The following CDC25C variants were observed in gnomAD, a reference collection of about 807,000 sequenced individuals.
CDC25C encodes cell division cycle 25C.
A neutral mutation model predicts 52.5 loss-of-function variants in CDC25C; 48 were observed. The ratio of observed to expected loss-of-function variants is 0.91; its 90% CI spans 0.72 to 1.16. CDC25C has a LOEUF of 1.16. Among genes scored for constraint, CDC25C ranks in the 50% most tolerant of loss-of-function variants. The probability of loss-of-function intolerance (pLI) is 0.00; values close to 1 mark genes in which losing one functional copy is unlikely to be tolerated. For missense variants in CDC25C, 510 were observed against 566.1 expected, an observed-to-expected ratio of 0.90 and a Z score of 1.01; for synonymous variants, 187 against 206.5, an observed-to-expected ratio of 0.91 and a Z score of 0.81.
At chr5:138,335,785 G>GT (rs1293287688), upstream of CDC25C, among the ~76,000 whole-genome samples, 15 of 147,374 alleles carry the variant, frequency 1.0e-4, no homozygotes, top group South Asian at 2.1e-4. Context: ...TTTTTGTTTT[G>GT]TTTTTTTTGT....
Position 138,319,297 on chromosome 5 carries a change from A to G in CDC25C, c.537T>C (p.Asn179=). Residue 179 remains asparagine (N), a synonymous_variant, in exon 7 of 14, where the codon AAT becomes AAC. Coordinates refer to ENST00000323760, the MANE Select transcript of CDC25C (RefSeq NM_001790.5). ...CTGCCTGGTCTTCTCCTAGGTTTGG[A>G]TTTTTATCCAATTTTGGAACAGTAG... ...PITTVPKLDK[N]PNLGEDQAEE... is the part of the protein sequence containing the mutation. The G allele has an allele frequency of 6.2e-7, 1 of 1,613,568 alleles. No homozygotes were observed. Among genetic ancestry groups the G allele is most frequent in the Non-Finnish European group, 8.5e-7 (1 of 1,179,570 alleles).
At chr5:138,320,254 G>A (rs1326361159) in intron 6 of CDC25C, among the ~76,000 whole-genome samples, 1 of 152,042 alleles carries the variant, frequency 6.6e-6, no homozygotes, top group Non-Finnish European at 1.5e-5. Flanking sequence ...GCAGTGAGCT[G>A]TGATCGTTCC....
At chr5:138,335,922 T>C (rs1051789118), upstream of CDC25C, among the ~76,000 whole-genome samples, 2 of 151,932 alleles carry the variant, frequency 1.3e-5, no homozygotes, top group Non-Finnish European at 2.9e-5. Context: ...AACAGCTTAG[T>C]GGTGAAAAGC....
chr5:138,325,500 A>AAAAC (rs1008260579), intron 6 of CDC25C, among the ~76,000 whole-genome samples: 3 of 152,298 alleles, frequency 2.0e-5, no homozygotes, highest in African/African-American at 4.8e-5. Context: ...CCTACCTGTT[A>AAAAC]AAACAAACAA....
intron 7 of CDC25C, among the ~76,000 whole-genome samples, chr5:138,317,943 C>T (rs1029193236): frequency 6.6e-6 from 1 of 152,170 alleles, no homozygotes; most frequent in South Asian, 2.1e-4. Context: ...TGATGGTGAT[C>T]CACTCAAACT....
At chr5:138,338,265 C>T (rs79586488) in exon 1 of CDC25C, 3 of 1,012,062 alleles carry the variant, frequency 3.0e-6, no homozygotes, top group African/African-American at 3.3e-5. Context: ...ACCGAGCGCT[C>T]AGAGCTGCTC....
At chr5:138,320,089 G>T (rs1248917042) in intron 6 of CDC25C, among the ~76,000 whole-genome samples, 3 of 152,126 alleles carry the variant, frequency 2.0e-5, no homozygotes, top group Non-Finnish European at 4.4e-5. Flanking sequence ...AGCAGATCAC[G>T]AGGTCAGGAG....
intron 7 of CDC25C, among the ~76,000 whole-genome samples, chr5:138,298,754 TAAAATAAAATA>T (rs1296003886): frequency 1.3e-5 from 2 of 148,330 alleles, no homozygotes; most frequent in Non-Finnish European, 3.0e-5. Context: ...ATCTCAAAAA[TAAAATAAAATA>T]AAAATAAAAT....
At chr5:138,319,128 TA>T in intron 7 of CDC25C, 90 bp downstream of exon 7, 1 of 1,199,794 alleles carries the variant, frequency 8.3e-7, no homozygotes, top group Non-Finnish European at 1.2e-6. Context: ...TTTGCTCAAA[TA>T]AACTCTCCTA....
At chr5:138,325,234 G>A (rs144513496) in intron 6 of CDC25C, among the ~76,000 whole-genome samples, 8 of 152,250 alleles carry the variant, frequency 5.3e-5, no homozygotes, top group African/African-American at 1.7e-4. Context: ...AGGGATGGGA[G>A]GCAGGGAAGA....
At position 138,290,663 on chromosome 5, in the gene CDC25C, C is replaced by T; in HGVS notation, c.840G>A (p.Gly280=). 1 of 1,607,794 alleles carries T rather than the reference C, an allele frequency of 6.2e-7. No homozygotes were observed. The highest frequency in any genetic ancestry group is 8.5e-7 in the Non-Finnish European group (1 of 1,174,378). ...TQMLEEDSNQ[G]HLIGDFSKVC... is the part of the protein sequence containing the mutation. ...CCTTGGAAAAATCACCAATCAGGTG[C>T]CCCTGGTTAGAATCTTCCTCCAGCA... The change falls in exon 9 of 14, where the codon GGG becomes GGA. Residue 280 remains glycine (G), a synonymous_variant. Coordinates refer to ENST00000323760, the MANE Select transcript of CDC25C (RefSeq NM_001790.5).
intron 4 of CDC25C, among the ~76,000 whole-genome samples, chr5:138,327,952 C>T (rs1454028532): frequency 6.6e-6 from 1 of 151,996 alleles, no homozygotes; most frequent in Non-Finnish European, 1.5e-5. Flanking sequence ...CTGCAACCTC[C>T]GCCTCCTGGG....
chr5:138,289,457 T>C (rs1285161758), intron 10 of CDC25C, 44 bp downstream of exon 10: 2 of 1,396,522 alleles, frequency 1.4e-6, no homozygotes, highest in African/African-American at 1.4e-5. Flanking sequence ...AGAGACCAGA[T>C]GGTAGCTTAT....
chr5:138,316,006 G>A (rs1318195712), intron 7 of CDC25C, among the ~76,000 whole-genome samples: 3 of 152,238 alleles, frequency 2.0e-5, no homozygotes, highest in African/African-American at 7.2e-5. Flanking sequence ...GTTCCACGGA[G>A]CAGGCAGAAG....
chr5:138,337,526 C>A, intron 1 of CDC25C: 1 of 202,018 alleles, frequency 5.0e-6, no homozygotes, highest in South Asian at 6.3e-5. Flanking sequence ...ATCACAATCC[C>A]ATTACCTCAT....
At chr5:138,294,024 ATTTT>A (rs36022580) in intron 7 of CDC25C, among the ~76,000 whole-genome samples, 1 of 125,970 alleles carries the variant, frequency 7.9e-6, no homozygotes. Context: ...TTTTCTTTGG[ATTTT>A]TTTTTTTTTT....
In CDC25C at chr5:138,306,457, T is replaced by A. The variant is rs1758005227; in HGVS notation, c.615+12762A>T. 2.0e-5 allele frequency among the ~76,000 whole-genome samples: 3 copies of A among 151,990 alleles called. No homozygotes were observed. In the East Asian group the frequency reaches 5.8e-4, roughly 29 times the overall value. On this transcript the variant is annotated intron_variant, in intron 7 of 13. Coordinates refer to ENST00000323760, the MANE Select transcript of CDC25C (RefSeq NM_001790.5). ...GTCACTGCTTTATACAAGTATCTAT[T>A]TATTTCCGTTTATTATTATTATTAT...
At chr5:138,288,076 CTTTT>C (rs928922145) in intron 10 of CDC25C, among the ~76,000 whole-genome samples, 1 of 150,684 alleles carries the variant, frequency 6.6e-6, no homozygotes. Context: ...CATCATGATC[CTTTT>C]TTTTTGTTTT....
chr5:138,314,753 T>C (rs1385243337), intron 7 of CDC25C, among the ~76,000 whole-genome samples: 1 of 148,520 alleles, frequency 6.7e-6, no homozygotes, highest in African/African-American at 2.5e-5. Flanking sequence ...GGATTACAGG[T>C]GCCCGCCACC....
Sources: allele counts gnomAD v4.1 joint callset (sites outside exome capture counted in the v4.1 genomes callset), GRCh38; gene constraint gnomAD v4.1.1; transcripts MANE v1.5; gene names NCBI Gene and HGNC (gene_info 2026-07-23, HGNC 2026-07-21).